Variants in C2CD5 observed in about 807,000 individuals in gnomAD.
C2CD5 encodes C2 domain-containing protein 5.
A neutral mutation model predicts 130.3 loss-of-function variants in C2CD5; 109 were observed. The observed-to-expected ratio is 0.84, with a 90% CI of 0.72 to 0.98. The LOEUF (loss-of-function observed/expected upper bound fraction) is 0.98, where lower values mean the gene tolerates loss of function less well. Among genes scored for constraint, C2CD5 ranks in the 50% least tolerant of loss-of-function variants. C2CD5 has a pLI of 0.00. For missense variants in C2CD5, 996 were observed against 1,261.8 expected, an observed-to-expected ratio of 0.79 and a Z score of 3.19; for synonymous variants, 454 against 429.2, an observed-to-expected ratio of 1.06 and a Z score of -0.71.
intron 3 of C2CD5, among the ~76,000 whole-genome samples, chr12:22,531,605 C>T (rs951294155): frequency 5.3e-5 from 8 of 152,120 alleles, no homozygotes; most frequent in African/African-American, 1.2e-4. Context: ...GAGGAGTTTA[C>T]AGAAACTAGA....
At chr12:22,515,053 C>T (rs909254398) in intron 8 of C2CD5, 140 of 984,746 alleles carry the variant, frequency 1.4e-4, no homozygotes, top group Non-Finnish European at 1.6e-4. Context: ...GGCTAGATTC[C>T]GAGAGGAGGA....
intron 25 of C2CD5, among the ~76,000 whole-genome samples, chr12:22,454,281 A>G (rs547412472): frequency 6.6e-6 from 1 of 152,264 alleles, no homozygotes; most frequent in Non-Finnish European, 1.5e-5. Flanking sequence ...AGCCCGGAGA[A>G]TTTGTAATTT....
chr12:22,515,363 T>A (rs1245086707), intron 8 of C2CD5, among the ~76,000 whole-genome samples: 4 of 152,202 alleles, frequency 2.6e-5, no homozygotes, highest in Non-Finnish European at 5.9e-5. Flanking sequence ...ACAAAACCTT[T>A]ACAAACTTCA....
intron 3 of C2CD5, among the ~76,000 whole-genome samples, chr12:22,528,295 G>C (rs1950910755): frequency 6.6e-6 from 1 of 152,060 alleles, no homozygotes; most frequent in South Asian, 2.1e-4. Context: ...AATTTCTAAG[G>C]GCGATTTCAG....
At chr12:22,493,869 G>A (rs2094918572) in intron 10 of C2CD5, among the ~76,000 whole-genome samples, 1 of 150,848 alleles carries the variant, frequency 6.6e-6, no homozygotes, top group Non-Finnish European at 1.5e-5. Context: ...GGGTCTTTAG[G>A]CAAAATACAA....
At chr12:22,504,600 G>A (rs773334810) in intron 10 of C2CD5, among the ~76,000 whole-genome samples, 6 of 152,162 alleles carry the variant, frequency 3.9e-5, no homozygotes, top group Non-Finnish European at 7.4e-5. Flanking sequence ...GAGCCTCCGT[G>A]CCCAGCCCAA....
At chr12:22,506,868 A>C (rs1948605068) in intron 9 of C2CD5, 49 bp from the exon 10 acceptor site, 1 of 1,185,204 alleles carries the variant, frequency 8.4e-7, no homozygotes, top group East Asian at 2.3e-5. Flanking sequence ...TGTAGAGTGT[A>C]AAAAATTTGC....
chr12:22,454,056 C>A lies in C2CD5; in HGVS notation c.2878-14G>T. The A allele has an allele frequency of 6.2e-7, 1 of 1,608,316 alleles. No homozygotes were observed. The highest frequency in any genetic ancestry group is 8.5e-7 in the Non-Finnish European group (1 of 1,175,416). ...GACTCCTCCTTCCTAAATAATAGTG[C>A]ACAGGAAAATCATACTATATATACA... On this transcript the variant is annotated splice_polypyrimidine_tract_variant and intron_variant, in intron 25 of 26. Coordinates refer to ENST00000446597, the MANE Select transcript of C2CD5 (RefSeq NM_001286176.2).
At chr12:22,461,748 G>C (rs1014838349) in intron 22 of C2CD5, among the ~76,000 whole-genome samples, 10 of 152,014 alleles carry the variant, frequency 6.6e-5, no homozygotes, top group Non-Finnish European at 1.3e-4. Flanking sequence ...GGATGAAGAG[G>C]GAAAAAAGGG....
At chr12:22,540,578 G>T (rs1952272346) in intron 2 of C2CD5, among the ~76,000 whole-genome samples, 1 of 152,118 alleles carries the variant, frequency 6.6e-6, no homozygotes, top group Admixed American at 6.5e-5. Context: ...ATAACAACAG[G>T]CCAGGCGCGG....
At chr12:22,521,537 G>C (rs1176572953) in intron 7 of C2CD5, among the ~76,000 whole-genome samples, 1 of 152,002 alleles carries the variant, frequency 6.6e-6, no homozygotes, top group Non-Finnish European at 1.5e-5. Context: ...TAATTTGCTA[G>C]TAAATATTTA....
rs1937931171 is a variant in C2CD5 at position 22,448,772 on chromosome 12, G to A, written c.*988C>T. ...TAATATTTAAGGTTCATTTACAACG[G>A]GCATTTGGCGTCGACAGAAAAAGTC... is the stretch of plus-strand genomic sequence containing the variant. On this transcript the variant is annotated 3_prime_UTR_variant, in exon 27 of 27. Transcript: ENST00000446597. 6.6e-6 allele frequency: 1 copy of A among 152,418 alleles called. No homozygotes were observed. The highest frequency in any genetic ancestry group is 2.4e-5 in the African/African-American group (1 of 41,374). The allele number at this position is 152,418 out of a possible 1,614,324, so 9.4% of individuals were successfully genotyped here. A position where few individuals can be genotyped will look rare whatever the true frequency, so the allele number is the denominator to read the frequency against.
chr12:22,474,979 T>C (rs1394572812), intron 15 of C2CD5, 88 bp from the exon 16 acceptor site: 4 of 822,846 alleles, frequency 4.9e-6, no homozygotes, highest in Non-Finnish European at 7.0e-6. Flanking sequence ...CACCTACCTG[T>C]GGAGAAAAAG....
intron 10 of C2CD5, among the ~76,000 whole-genome samples, chr12:22,506,468 G>A (rs1348521282): frequency 2.6e-5 from 4 of 152,064 alleles, no homozygotes; most frequent in East Asian, 1.9e-4. Context: ...AGTTATTTAA[G>A]GATTTCCTTA....
chr12:22,466,304 TAA>T (rs58702536), intron 22 of C2CD5, among the ~76,000 whole-genome samples: 53 of 141,480 alleles, frequency 3.7e-4, no homozygotes, highest in African/African-American at 1.1e-3. Context: ...TTACTGAAAG[TAA>T]AAAAAAAAAA....
At position 22,484,779 on chromosome 12, in the gene C2CD5, T is replaced by C. The variant is rs1317377662; in HGVS notation, c.1468A>G (p.Lys490Glu). 6.2e-7 allele frequency: 1 copy of C among 1,609,988 alleles called. No individual in the cohort carries two copies. Among genetic ancestry groups the C allele is most frequent in the South Asian group, 1.1e-5 (1 of 90,732 alleles). ...GTTGTAAACAGAACATCAGGAACTT[T>C]TTGTTTCCTGCAGTTATAGCAATAT... ...LTYCYNCRKQ[K>E]VPDVLFTTID... The change falls in exon 13 of 27, where the codon AAA (lysine) becomes GAA (glutamate). Residue 490 changes from lysine to glutamate, a missense_variant. Lys to Glu is a moderately conservative substitution (Grantham distance 56, BLOSUM62 1). Around this residue, in one of 9 missense-constraint regions of C2CD5, gnomAD observed 590 missense variants for 631.4 expected, o/e 0.93. Transcript: ENST00000446597.
chr12:22,513,324 T>C lies in C2CD5; in HGVS notation c.1008A>G (p.Arg336=), dbSNP rs905838564. Residue 336 remains arginine (R), a synonymous_variant, in exon 9 of 27, where the codon AGA becomes AGG. Transcript: ENST00000446597. ...GTTCCAACGCTGATTGAGTCTGTTG[T>C]CTTAAAAGAGCTTTAAAGGGCCCCC... ...KEGGPFKALL[R]QQTQSALEQR... is the part of the protein sequence containing the mutation. 1 of 1,612,112 alleles carries C rather than the reference T, an allele frequency of 6.2e-7. No individual in the cohort carries two copies. Among genetic ancestry groups the C allele is most frequent in the Non-Finnish European group, 8.5e-7 (1 of 1,178,310 alleles).
chr12:22,490,018 C>CCCT, intron 12 of C2CD5, 105 bp downstream of exon 12: 1 of 732,484 alleles, frequency 1.4e-6, no homozygotes, highest in Admixed American at 2.4e-5. Flanking sequence ...TACACTGTAC[C>CCCT]CCTGTAAGCC....
intron 2 of C2CD5, among the ~76,000 whole-genome samples, chr12:22,538,409 G>C (rs1033848618): frequency 6.6e-6 from 1 of 152,074 alleles, no homozygotes; most frequent in Admixed American, 6.6e-5. Flanking sequence ...AGCAGATTTG[G>C]GAATAAACAC....
Sources: gnomAD v4.1 joint callset for allele counts (sites outside exome capture counted in the v4.1 genomes callset) on GRCh38, gnomAD v4.1.1 for gene constraint, gnomAD v4.1.1 regional missense constraint, MANE v1.5 for transcripts, NCBI Gene and HGNC (gene_info 2026-07-23, HGNC 2026-07-21) for gene names.